Variants in IL1A observed in about 807,000 individuals in gnomAD.
IL1A encodes the protein interleukin 1 alpha.
IL1A carries 16 observed loss-of-function variants against 22.2 expected under a neutral mutation model. The observed-to-expected ratio is 0.72, with a 90% CI of 0.49 to 1.09. The LOEUF (loss-of-function observed/expected upper bound fraction) is 1.09, where lower values mean the gene tolerates loss of function less well. Among genes scored for constraint, IL1A ranks in the 50% least tolerant of loss-of-function variants. The pLI, the probability that IL1A is intolerant of heterozygous loss-of-function variation, is 0.00. For missense variants in IL1A, 317 were observed against 321.8 expected, an observed-to-expected ratio of 0.99 and a Z score of 0.11; for synonymous variants, 113 against 118.5, an observed-to-expected ratio of 0.95 and a Z score of 0.30.
Position 112,775,249 on chromosome 2 carries a change from T to C in IL1A, c.634A>G (p.Lys212Glu). Residue 212 changes from lysine (K) to glutamate (E), a missense_variant, in exon 7 of 7, where the codon AAA becomes GAA. Lys to Glu is a moderately conservative substitution (Grantham distance 56). Coordinates refer to ENST00000263339, the MANE Select transcript of IL1A (RefSeq NM_000575.5). ...VLLKEMPEIPKTITGSETNLL... is the reference protein window; with the variant it reads ...VLLKEMPEIPETITGSETNLL... ...TTGGTCTCACTACCTGTGATGGTTT[T>C]GGGTATCTCAGGCATCTCCTATGAA... is the stretch of plus-strand genomic sequence containing the variant. 1 of 1,613,934 alleles carries C rather than the reference T, an allele frequency of 6.2e-7. No homozygotes were observed. The highest frequency in any genetic ancestry group is 8.5e-7 in the Non-Finnish European group (1 of 1,179,760).
chr2:112,783,620 A>G (rs1573255687), intron 2 of IL1A, 104 bp downstream of exon 2: 2 of 916,944 alleles, frequency 2.2e-6, no homozygotes, highest in East Asian at 2.4e-5. Flanking sequence ...CATCTCTACA[A>G]CCTCTGCCGG....
rs1316552405 is a variant in IL1A, at chr2:112,775,108, G to A, written c.775C>T (p.Pro259Ser). ...AGTATCTGAAAGTCAGTGATAGAGG[G>A]TGGCCCCCCTGCCAAGCACACCCAG... ...DYWVCLAGGP[P>S]SITDFQILEN... The change falls in exon 7 of 7, where the codon CCC becomes TCC. Residue 259 changes from proline to serine, a missense_variant. Coordinates refer to ENST00000263339, the MANE Select transcript of IL1A (RefSeq NM_000575.5). 1.2e-6 allele frequency: 2 copies of A among 1,614,164 alleles called. No homozygotes were observed. The highest frequency in any genetic ancestry group is 1.7e-6 in the Non-Finnish European group (2 of 1,180,010).
In IL1A at chr2:112,775,000, C is replaced by A; in HGVS notation, c.*67G>T. The A allele has an allele frequency of 2.0e-5, 25 of 1,255,790 alleles. No individual in the cohort carries two copies. The highest frequency in any genetic ancestry group is 2.9e-5 in the Non-Finnish European group (25 of 861,780). The allele number at this position is 1,255,790 out of a possible 1,614,324, so 77.8% of individuals were successfully genotyped here. On this transcript the variant is annotated 3_prime_UTR_variant, in exon 7 of 7. Coordinates refer to ENST00000263339, the MANE Select transcript of IL1A (RefSeq NM_000575.5). ...AAATGACTAACAGTAAAGGATTTAG[C>A]TTCTTCATGTACATGGTACATATGA...
At position 112,778,097 on chromosome 2, in the gene IL1A, C is replaced by T; in HGVS notation, c.505G>A (p.Gly169Ser). Reference sequence around the variant, plus strand: ...TCATCCTTTGATGACTTATAAGCACCCATGTCAAATTTCACTGGTGAAGAG... The same window carrying T: ...TCATCCTTTGATGACTTATAAGCACTCATGTCAAATTTCACTGGTGAAGAG... Reference protein sequence around the residue: ...NLDEAVKFDMGAYKSSKDDAK... With the variant: ...NLDEAVKFDMSAYKSSKDDAK... The change falls in exon 6 of 7, where the codon GGT becomes AGT. Residue 169 changes from glycine to serine, a missense_variant. Physicochemically the swap from Gly to Ser is moderately conservative, Grantham distance 56 (BLOSUM62 0). Coordinates refer to ENST00000263339, the MANE Select transcript of IL1A (RefSeq NM_000575.5). 6.2e-7 allele frequency: 1 copy of T among 1,611,786 alleles called. No homozygotes were observed. Among genetic ancestry groups the T allele is most frequent in the Non-Finnish European group, 8.5e-7 (1 of 1,179,042 alleles).
intron 2 of IL1A, 103 bp from the exon 3 acceptor site, chr2:112,782,867 A>C (rs1333556448): frequency 1.3e-6 from 1 of 781,922 alleles, no homozygotes; most frequent in African/African-American, 1.7e-5. Flanking sequence ...ACACATACAC[A>C]TGGCCATTAC....
chr2:112,781,529 A>T (rs1337796866), intron 4 of IL1A, 75 bp downstream of exon 4: 1 of 1,158,360 alleles, frequency 8.6e-7, no homozygotes, highest in Admixed American at 1.7e-5. Flanking sequence ...TCCACGTTTA[A>T]TTTTCCCCTA....
intron 2 of IL1A, 97 bp downstream of exon 2, chr2:112,783,627 C>T: frequency 1.0e-6 from 1 of 984,684 alleles, no homozygotes; most frequent in Admixed American, 1.7e-5. Flanking sequence ...ACAACCTCTG[C>T]CGGCCTGCCC....
chr2:112,781,662 A>G lies in IL1A; in HGVS notation c.261T>C (p.Ser87=). Residue 87 remains serine, a synonymous_variant, in exon 4 of 7, where the codon AGT becomes AGC. Coordinates refer to ENST00000263339, the MANE Select transcript of IL1A (RefSeq NM_000575.5). ...NGKVLKKRRL[S]LSQSITDDDL... is the part of the protein sequence containing the mutation. ...CATCATCAGTGATGGATTGGCTTAA[A>G]CTCAACCGTCTCTTCTTCAGAACCT... 1 of 1,614,144 alleles carries G rather than the reference A, an allele frequency of 6.2e-7. No individual in the cohort carries two copies. Among genetic ancestry groups the G allele is most frequent in the Non-Finnish European group, 8.5e-7 (1 of 1,180,028 alleles).
At chr2:112,783,638 C>A (rs1189277948) in intron 2 of IL1A, 86 bp downstream of exon 2, 1 of 1,112,474 alleles carries the variant, frequency 9.0e-7, no homozygotes, top group Non-Finnish European at 1.4e-6. Flanking sequence ...CGGCCTGCCC[C>A]CATGCTGGCC....
chr2:112,781,862 C>G (rs775390976), intron 3 of IL1A, 36 bp from the exon 4 acceptor site: 1 of 1,473,744 alleles, frequency 6.8e-7, no homozygotes, highest in Admixed American at 1.7e-5. Flanking sequence ...AGAGGCTGTT[C>G]ATGGTCAGGG....
At chr2:112,783,673 G>T (rs1335045583) in intron 2 of IL1A, 51 bp downstream of exon 2, 3 of 1,501,836 alleles carry the variant, frequency 2.0e-6, no homozygotes, top group African/African-American at 1.4e-5. Flanking sequence ...CTGGATTCTG[G>T]TGAGCCTTGA....
At chr2:112,784,003 C>T (rs193027324) in intron 1 of IL1A, among the ~76,000 whole-genome samples, 55 of 152,264 alleles carry the variant, frequency 3.6e-4, no homozygotes, top group African/African-American at 1.2e-3. Context: ...GTTGGTATTC[C>T]TTATGTGCCC....
Position 112,778,122 on chromosome 2 carries a change from G to T in IL1A, c.491-11C>A. ...CCATGTCAAATTTCACTGGTGAAGA[G>T]AAGAACCAAAAAGAAAGTAAATTCA... On this transcript the variant is annotated splice_polypyrimidine_tract_variant and intron_variant, in intron 5 of 6. Transcript: ENST00000263339. 6.2e-7 allele frequency: 1 copy of T among 1,609,736 alleles called. No individual in the cohort carries two copies. Among genetic ancestry groups the T allele is most frequent in the Non-Finnish European group, 8.5e-7 (1 of 1,177,844 alleles).
intron 5 of IL1A, 128 bp downstream of exon 5, chr2:112,779,368 C>T: frequency 1.5e-6 from 1 of 685,162 alleles, no homozygotes; most frequent in East Asian, 2.9e-5. Flanking sequence ...TCAAGCTATT[C>T]TGGAAGAATT....
At chr2:112,781,868 C>T (rs755137022) in intron 3 of IL1A, 42 bp from the exon 4 acceptor site, 377 of 1,442,288 alleles carry the variant, frequency 2.6e-4, no homozygotes, top group Non-Finnish European at 3.4e-4. Flanking sequence ...TGTTCATGGT[C>T]AGGGAATGAA....
At chr2:112,782,652 C>G (rs906460696) in intron 3 of IL1A, 64 bp downstream of exon 3, 1 of 1,190,542 alleles carries the variant, frequency 8.4e-7, no homozygotes, top group Admixed American at 1.7e-5. Flanking sequence ...TTGCTGTTCT[C>G]TTTGGATGAA....
chr2:112,777,987 C>T lies in IL1A; in HGVS notation c.615G>A (p.Lys205=). 6.2e-7 allele frequency: 1 copy of T among 1,613,844 alleles called. No individual in the cohort carries two copies. Among genetic ancestry groups the T allele is most frequent in the South Asian group, 1.1e-5 (1 of 91,042 alleles). ...AQDEDQPVLL[K]EMPEIPKTIT... ...AAGTTGGAGACAAAGGACAACTGAC[C>T]TTCAGCAGCACTGGTTGGTCTTCAT... Residue 205 remains lysine (K), a splice_region_variant and synonymous_variant, in exon 6 of 7, where the codon AAG becomes AAA. Coordinates refer to ENST00000263339, the MANE Select transcript of IL1A (RefSeq NM_000575.5).
At chr2:112,779,807 A>C in intron 4 of IL1A, 141 bp from the exon 5 acceptor site, 1 of 479,548 alleles carries the variant, frequency 2.1e-6, no homozygotes, top group Non-Finnish European at 3.5e-6. Context: ...AGAGAAGTGA[A>C]ATCACCCAGT....
At chr2:112,779,447 A>G (rs549138446) in intron 5 of IL1A, 49 bp downstream of exon 5, 2 of 1,399,978 alleles carry the variant, frequency 1.4e-6, no homozygotes, top group South Asian at 2.7e-5. Context: ...AAATAAGTAA[A>G]TGAAAGGAGG....
Sources: allele counts gnomAD v4.1 joint callset (sites outside exome capture counted in the v4.1 genomes callset), GRCh38; gene constraint gnomAD v4.1.1; transcripts MANE v1.5; gene names NCBI Gene and HGNC (gene_info 2026-07-23, HGNC 2026-07-21).